NALF1: variants seen among roughly 807,000 people sequenced by gnomAD.
NALF1 encodes NALCN channel auxiliary factor 1.
In NALF1, 3 loss-of-function variants were observed where a neutral mutation model predicts 48.4. That is an observed-to-expected ratio of 0.06 (90% confidence interval 0.03 to 0.16). NALF1 has a LOEUF of 0.16. Among genes scored for constraint, NALF1 ranks in the 10% least tolerant of loss-of-function variants. The pLI, the probability that NALF1 is intolerant of heterozygous loss-of-function variation, is 1.00. For missense variants in NALF1, 526 were observed against 571.5 expected (o/e 0.92, Z 0.81); for synonymous variants, 262 against 245.7 (o/e 1.07, Z -0.62).
intron 1 of NALF1, among the ~76,000 whole-genome samples, chr13:107,412,517 C>T (rs1884009370): frequency 7.0e-6 from 1 of 142,538 alleles, no homozygotes; most frequent in Admixed American, 7.1e-5. Context: ...GCTGGATATA[C>T]TATATACCAT....
intron 1 of NALF1, among the ~76,000 whole-genome samples, chr13:107,483,748 TTACTA>T (rs1255724511): frequency 2.0e-5 from 3 of 152,040 alleles, no homozygotes; most frequent in Non-Finnish European, 4.4e-5. Context: ...ACTTGTGACA[TTACTA>T]TACTATAGCA....
chr13:107,410,611 G>C (rs1000096730), intron 1 of NALF1, among the ~76,000 whole-genome samples: 1 of 151,974 alleles, frequency 6.6e-6, no homozygotes, highest in African/African-American at 2.4e-5. Flanking sequence ...TAAAACTCTT[G>C]AAAATTTTCC....
intron 2 of NALF1, among the ~76,000 whole-genome samples, chr13:107,190,273 TTTAGAGTA>T (rs1566445836): frequency 6.6e-6 from 1 of 152,036 alleles, no homozygotes; most frequent in African/African-American, 2.4e-5. Context: ...CATCAATGTA[TTTAGAGTA>T]CAAAGACCAT....
Position 107,670,234 on chromosome 13 carries a change from G to T in NALF1, c.915+195448C>A, listed in dbSNP as rs534836873. ...AGGTGAATTTAAATGTGGTCTTATTGACGAGTAAAATAGTCCTACCGGTAA... is the reference window on the plus strand; with the variant it reads ...AGGTGAATTTAAATGTGGTCTTATTTACGAGTAAAATAGTCCTACCGGTAA... On this transcript the variant is annotated intron_variant, in intron 1 of 2. Transcript: ENST00000375915. Among the ~76,000 whole-genome samples the T allele has an allele frequency of 2.6e-5, 4 of 152,088 alleles. No individual in the cohort carries two copies. In the East Asian group the frequency reaches 7.7e-4, roughly 29 times the overall value.
At chr13:107,687,161 G>C (rs1881452593) in intron 1 of NALF1, among the ~76,000 whole-genome samples, 1 of 152,146 alleles carries the variant, frequency 6.6e-6, no homozygotes, top group South Asian at 2.1e-4. Context: ...CATGGATGCA[G>C]CTAGAGGCCA....
intron 2 of NALF1, among the ~76,000 whole-genome samples, chr13:107,177,961 C>T (rs989589473): frequency 1.3e-5 from 2 of 152,082 alleles, no homozygotes; most frequent in African/African-American, 2.4e-5. Context: ...GCAGGAGAAT[C>T]GCTTGAACCC....
intron 1 of NALF1, among the ~76,000 whole-genome samples, chr13:107,287,872 A>AT (rs1017767578): frequency 1.3e-5 from 2 of 150,662 alleles, no homozygotes; most frequent in African/African-American, 4.9e-5. Flanking sequence ...CACCCGGCTA[A>AT]TTTTTTGTAT....
At chr13:107,615,176 C>T (rs187662438) in intron 1 of NALF1, among the ~76,000 whole-genome samples, 89 of 152,324 alleles carry the variant, frequency 5.8e-4, no homozygotes, top group African/African-American at 2.0e-3. Context: ...CGTCCTCTTT[C>T]AGTTCAACTA....
At chr13:107,720,368 A>G (rs1290829340) in intron 1 of NALF1, among the ~76,000 whole-genome samples, 2 of 152,104 alleles carry the variant, frequency 1.3e-5, no homozygotes, top group Non-Finnish European at 2.9e-5. Context: ...AAAATCAGCC[A>G]GGCGCGGTGG....
intron 1 of NALF1, among the ~76,000 whole-genome samples, chr13:107,456,168 G>GCTAT (rs1204528112): frequency 6.6e-6 from 1 of 152,128 alleles, no homozygotes. Flanking sequence ...AAGGCAGAAA[G>GCTAT]CAACCTGAGT....
At chr13:107,524,366 A>C (rs79985401) in intron 1 of NALF1, among the ~76,000 whole-genome samples, 1,878 of 152,268 alleles carry the variant, frequency 0.012, 23 homozygotes, top group Middle Eastern at 0.037. Context: ...TACTTCTTTG[A>C]TTATTCGAGA....
At chr13:107,677,519 A>C (rs1318346957) in intron 1 of NALF1, among the ~76,000 whole-genome samples, 4 of 152,118 alleles carry the variant, frequency 2.6e-5, no homozygotes, top group African/African-American at 9.6e-5. Context: ...GCACATTATT[A>C]TTTATAATAC....
intron 1 of NALF1, among the ~76,000 whole-genome samples, chr13:107,506,170 T>C (rs1286856656): frequency 6.6e-6 from 1 of 152,158 alleles, no homozygotes; most frequent in Non-Finnish European, 1.5e-5. Context: ...TTTTTGTTGT[T>C]GTCATTGTTA....
chr13:107,557,102 G>A (rs1344467623), intron 1 of NALF1, among the ~76,000 whole-genome samples: 1 of 152,090 alleles, frequency 6.6e-6, no homozygotes, highest in Non-Finnish European at 1.5e-5. Context: ...CAAAAAGGTA[G>A]TATCTGTTCT....
At chr13:107,270,201 T>C (rs1248175553) in intron 1 of NALF1, among the ~76,000 whole-genome samples, 1 of 152,138 alleles carries the variant, frequency 6.6e-6, no homozygotes, top group Admixed American at 6.5e-5. Context: ...TTCAGAATAT[T>C]GAAAATTTAT....
At chr13:107,712,970 C>CCACATGT (rs1206621660) in intron 1 of NALF1, among the ~76,000 whole-genome samples, 1 of 152,170 alleles carries the variant, frequency 6.6e-6, no homozygotes, top group Non-Finnish European at 1.5e-5. Context: ...TGGACTGTGT[C>CCACATGT]CAGCATGTTA....
intron 1 of NALF1, among the ~76,000 whole-genome samples, chr13:107,482,137 G>A (rs1480263300): frequency 6.6e-6 from 1 of 151,960 alleles, no homozygotes; most frequent in East Asian, 1.9e-4. Flanking sequence ...ATACGAATGG[G>A]CCTCATCCAA....
At chr13:107,800,721 ATGT>A (rs894369865) in intron 1 of NALF1, among the ~76,000 whole-genome samples, 4 of 147,710 alleles carry the variant, frequency 2.7e-5, no homozygotes, top group African/African-American at 9.8e-5. Flanking sequence ...TACATATAAG[ATGT>A]TATAATTATA....
chr13:107,506,340 G>A (rs16970367), intron 1 of NALF1, among the ~76,000 whole-genome samples: 5,654 of 151,668 alleles, frequency 0.037, 193 homozygotes, highest in African/African-American at 0.088. Context: ...TCACTAATAC[G>A]ATTTTTAAAA....
Sources: allele counts gnomAD v4.1 joint callset (sites outside exome capture counted in the v4.1 genomes callset), GRCh38; gene constraint gnomAD v4.1.1; transcripts MANE v1.5; gene names NCBI Gene and HGNC (gene_info 2026-07-23, HGNC 2026-07-21).